The following ZNF385D variants were observed in gnomAD, a reference collection of about 807,000 sequenced individuals.
The protein encoded by ZNF385D is zinc finger protein 385D.
A neutral mutation model predicts 35.8 loss-of-function variants in ZNF385D; 15 were observed. The ratio of observed to expected loss-of-function variants is 0.42; its 90% CI spans 0.28 to 0.64. The LOEUF (loss-of-function observed/expected upper bound fraction) is 0.64. ZNF385D is among the 30% of genes least tolerant of loss of function. The probability of loss-of-function intolerance (pLI) is 0.23; values close to 1 mark genes in which losing one functional copy is unlikely to be tolerated. For missense variants in ZNF385D, 474 were observed against 494.6 expected (o/e 0.96, Z 0.39); for synonymous variants, 212 against 186.8 (o/e 1.13, Z -1.10).
intron 3 of ZNF385D, among the ~76,000 whole-genome samples, chr3:21,780,709 C>T (rs79867460): frequency 3.6e-4 from 55 of 152,072 alleles, no homozygotes; most frequent in African/African-American, 1.2e-3. Flanking sequence ...TAGGGTAACC[C>T]ACAGAACCTG....
intron 3 of ZNF385D, among the ~76,000 whole-genome samples, chr3:21,543,497 C>T (rs1028222409): frequency 5.1e-4 from 78 of 152,298 alleles, no homozygotes; most frequent in African/African-American, 1.8e-3. Context: ...GGCTGGGATG[C>T]ATGGCCTAAG....
chr3:21,552,360 G>A (rs2062597625), intron 3 of ZNF385D, among the ~76,000 whole-genome samples: 1 of 152,058 alleles, frequency 6.6e-6, no homozygotes, highest in Admixed American at 6.6e-5. Context: ...GGACATGGCT[G>A]GTCAATAAGT....
intron 3 of ZNF385D, among the ~76,000 whole-genome samples, chr3:22,111,557 T>A (rs149389578): frequency 6.6e-6 from 1 of 152,244 alleles, no homozygotes; most frequent in East Asian, 1.9e-4. Flanking sequence ...CGCTGTTCAG[T>A]GCTTTTCCTA....
chr3:22,061,408 T>C (rs909149685), intron 3 of ZNF385D, among the ~76,000 whole-genome samples: 1 of 152,198 alleles, frequency 6.6e-6, no homozygotes, highest in Non-Finnish European at 1.5e-5. Context: ...CCTAGATTAC[T>C]GTACCCACAT....
At chr3:21,658,444 G>A (rs990799112) in intron 2 of ZNF385D, among the ~76,000 whole-genome samples, 3 of 151,912 alleles carry the variant, frequency 2.0e-5, no homozygotes, top group Non-Finnish European at 4.4e-5. Context: ...AACAGTGAGT[G>A]CTTAGAATTT....
chr3:21,961,584 CT>C (rs1449413053), intron 3 of ZNF385D: 1 of 151,842 alleles, frequency 6.6e-6, no homozygotes, highest in Non-Finnish European at 1.5e-5. Flanking sequence ...ATTTTAATGC[CT>C]TTTATTTTTA....
At chr3:21,952,122 A>G (rs1196819327) in intron 3 of ZNF385D, among the ~76,000 whole-genome samples, 2 of 148,680 alleles carry the variant, frequency 1.3e-5, no homozygotes, top group Non-Finnish European at 2.9e-5. Flanking sequence ...GTTGCCTTCA[A>G]TTGTTATATG....
intron 4 of ZNF385D, among the ~76,000 whole-genome samples, chr3:21,507,540 A>G (rs1487922139): frequency 2.0e-5 from 3 of 152,296 alleles, no homozygotes; most frequent in East Asian, 1.9e-4. Flanking sequence ...CTTTGATTCT[A>G]GAGTCTTATC....
At chr3:21,558,574 T>C (rs553941050) in intron 3 of ZNF385D, among the ~76,000 whole-genome samples, 165 of 152,308 alleles carry the variant, frequency 1.1e-3, no homozygotes, top group Non-Finnish European at 1.9e-3. Flanking sequence ...CTTCCAATTA[T>C]GTGATCAATT....
chr3:22,131,850 G>C (rs1298514160), intron 3 of ZNF385D, among the ~76,000 whole-genome samples: 2 of 152,184 alleles, frequency 1.3e-5, no homozygotes, highest in Non-Finnish European at 2.9e-5. Flanking sequence ...AGTGGGTTGA[G>C]AGAAGGTATA....
chr3:21,695,524 C>G (rs188339297), intron 1 of ZNF385D, among the ~76,000 whole-genome samples: 2 of 152,190 alleles, frequency 1.3e-5, no homozygotes, highest in African/African-American at 2.4e-5. Context: ...CTAAGTGGAA[C>G]TGACCAATAG....
chr3:21,594,318 C>G (rs1451901205), intron 2 of ZNF385D, among the ~76,000 whole-genome samples: 3 of 152,062 alleles, frequency 2.0e-5, no homozygotes, highest in Admixed American at 2.0e-4. Context: ...TTAAAACAGC[C>G]CTGTCTTAGG....
At chr3:21,982,818 C>CTT (rs35606509) in intron 3 of ZNF385D, among the ~76,000 whole-genome samples, 2,115 of 150,418 alleles carry the variant, frequency 0.014, 22 homozygotes, top group African/African-American at 0.024. Context: ...TATTGAAAGC[C>CTT]TTTTTTTTTG....
intron 2 of ZNF385D, among the ~76,000 whole-genome samples, chr3:21,585,374 A>G (rs2063780639): frequency 1.3e-5 from 2 of 152,196 alleles, no homozygotes; most frequent in Non-Finnish European, 2.9e-5. Context: ...TGAAAATAAT[A>G]TATGACAGCT....
intron 2 of ZNF385D, among the ~76,000 whole-genome samples, chr3:22,352,725 A>G (rs1197635914): frequency 6.6e-6 from 1 of 152,172 alleles, no homozygotes; most frequent in Non-Finnish European, 1.5e-5. Context: ...TTCACTCTAA[A>G]CATATTCAGT....
intron 3 of ZNF385D, among the ~76,000 whole-genome samples, chr3:21,825,049 G>A (rs1317568972): frequency 1.3e-5 from 2 of 152,148 alleles, no homozygotes; most frequent in Non-Finnish European, 2.9e-5. Flanking sequence ...TGATCCAGTT[G>A]TGTAAGATTT....
At chr3:21,900,921 A>G (rs1373234751) in intron 3 of ZNF385D, among the ~76,000 whole-genome samples, 1 of 152,136 alleles carries the variant, frequency 6.6e-6, no homozygotes, top group African/African-American at 2.4e-5. Flanking sequence ...AAGCACTATA[A>G]TCTCCACTTT....
chr3:21,527,159 C>T (rs1290283945), intron 3 of ZNF385D, among the ~76,000 whole-genome samples: 1 of 152,110 alleles, frequency 6.6e-6, no homozygotes, highest in Non-Finnish European at 1.5e-5. Context: ...ATTTTTCTAT[C>T]AGTAGGTACA....
chr3:22,339,928 T>C (rs1695347991), intron 2 of ZNF385D, among the ~76,000 whole-genome samples: 1 of 152,346 alleles, frequency 6.6e-6, no homozygotes, highest in South Asian at 2.1e-4. Context: ...TGAGCCCTTC[T>C]CTGTACCATT....
Sources: gnomAD v4.1 joint callset for allele counts (sites outside exome capture counted in the v4.1 genomes callset) on GRCh38, gnomAD v4.1.1 for gene constraint, MANE v1.5 for transcripts, NCBI Gene and HGNC (gene_info 2026-07-23, HGNC 2026-07-21) for gene names.